STXBP2: variants seen among roughly 807,000 people sequenced by gnomAD.
The protein encoded by STXBP2 is syntaxin-binding protein 2.
In STXBP2, 47 loss-of-function variants were observed where a neutral mutation model predicts 72.2. That is an observed-to-expected ratio of 0.65 (90% CI 0.51 to 0.83). The LOEUF is 0.83. Ranked by LOEUF, STXBP2 falls within the 40% of genes least tolerant of loss-of-function variation. The pLI, the probability that STXBP2 is intolerant of heterozygous loss-of-function variation, is 0.00. For synonymous variants in STXBP2, 367 were observed against 338.7 expected, an observed-to-expected ratio of 1.08 and a Z score of -0.92; for missense variants, 702 against 807.6, an observed-to-expected ratio of 0.87 and a Z score of 1.58.
chr19:7,639,235 C>T (rs1391600650), intron 3 of STXBP2, 135 bp downstream of exon 3: 2 of 920,988 alleles, frequency 2.2e-6, no homozygotes, highest in African/African-American at 1.6e-5. Context: ...GCTCCCTGCA[C>T]GGACAGCCCG....
chr19:7,640,021 T>C (rs973801593), intron 4 of STXBP2: 1 of 675,646 alleles, frequency 1.5e-6, no homozygotes, highest in Non-Finnish European at 2.7e-6. Flanking sequence ...TCTGTGTGCA[T>C]GTGCATGTGT....
chr19:7,644,599 A>T lies in STXBP2; in HGVS notation c.1108-15A>T. The T allele has an allele frequency of 1.2e-6, 2 of 1,611,014 alleles. No individual in the cohort carries two copies. Among genetic ancestry groups the T allele is most frequent in the Non-Finnish European group, 1.7e-6 (2 of 1,179,708 alleles). On this transcript the variant is annotated splice_polypyrimidine_tract_variant and intron_variant, in intron 13 of 18. Coordinates refer to ENST00000221283, the MANE Select transcript of STXBP2 (RefSeq NM_006949.4). ...ACACATAGCGGCCGGTGGACGGCTG[A>T]CCCCATGCCCGCAGGACCTGGCCAT...
chr19:7,646,612 G>T (rs921816912), intron 16 of STXBP2: 7 of 540,460 alleles, frequency 1.3e-5, no homozygotes, highest in Non-Finnish European at 2.4e-5. Context: ...CCCCTGTCCC[G>T]CAGGAGTGCC....
chr19:7,639,949 CATGTGTGTGT>C (rs746614898), intron 4 of STXBP2, 142 bp downstream of exon 4: 31 of 709,828 alleles, frequency 4.4e-5, no homozygotes, highest in East Asian at 6.1e-5. Context: ...CATGTGTGTG[CATGTGTGTGT>C]GCATCTGTGT....
At chr19:7,639,902 G>A (rs1438449158) in intron 4 of STXBP2, 95 bp downstream of exon 4, 1 of 1,310,104 alleles carries the variant, frequency 7.6e-7, no homozygotes, top group Non-Finnish European at 1.1e-6. Context: ...ATGTGTGCAT[G>A]TGTATACGTG....
chr19:7,646,139 C>T (rs1399294500), intron 15 of STXBP2, 110 bp from the exon 16 acceptor site: 3 of 808,856 alleles, frequency 3.7e-6, no homozygotes, highest in African/African-American at 1.7e-5. Flanking sequence ...GTTCCACTTC[C>T]CCATCTTTGC....
At chr19:7,637,336 GA>G (rs1218133383) in intron 1 of STXBP2, 150 bp downstream of exon 1, 2 of 479,222 alleles carry the variant, frequency 4.2e-6, no homozygotes, top group African/African-American at 4.1e-5. Flanking sequence ...GGCGGGCGGG[GA>G]CGGGTTCCCA....
chr19:7,635,150 C>G (rs762155852), upstream of STXBP2, among the ~76,000 whole-genome samples: 18 of 152,298 alleles, frequency 1.2e-4, no homozygotes, highest in African/African-American at 4.1e-4. Context: ...CTCTGTCCCC[C>G]CAAGGGGTCA....
chr19:7,641,911 C>A, intron 7 of STXBP2, 58 bp downstream of exon 7: 1 of 1,564,000 alleles, frequency 6.4e-7, no homozygotes, highest in South Asian at 1.1e-5. Context: ...GCGTGCAACA[C>A]CTAACCTTTA....
the STXBP2 span, chr19:7,631,224 A>T: frequency 1.9e-5 from 26 of 1,391,828 alleles, no homozygotes; most frequent in Non-Finnish European, 2.4e-5. Context: ...GAAACATTTT[A>T]CTCTCAGCCA....
At chr19:7,635,120 G>T (rs560767083), upstream of STXBP2, among the ~76,000 whole-genome samples, 1 of 152,274 alleles carries the variant, frequency 6.6e-6, no homozygotes, top group Admixed American at 6.5e-5. Context: ...TTAGTGGTGG[G>T]GTGGCTGGCC....
At chr19:7,632,874 G>A (rs2031385769), upstream of STXBP2, 2 of 1,535,370 alleles carry the variant, frequency 1.3e-6, no homozygotes, top group African/African-American at 2.7e-5. The surrounding 1 kb of genome is among the most constrained non-coding windows in gnomAD (Gnocchi z 5.2). Flanking sequence ...TCAGCTTGGG[G>A]GCCCCTCCCC....
At chr19:7,637,012 G>C (rs1000662251), upstream of STXBP2, 1 of 1,008,020 alleles carries the variant, frequency 9.9e-7, no homozygotes, top group South Asian at 5.1e-5. Flanking sequence ...GCCTGGGCGA[G>C]AACCGACGGC....
the STXBP2 span, chr19:7,630,093 G>C: frequency 2.0e-6 from 1 of 512,514 alleles, no homozygotes; most frequent in Non-Finnish European, 3.4e-6. Flanking sequence ...TCCGAGGAAG[G>C]ACCTCAGAGA....
upstream of STXBP2, among the ~76,000 whole-genome samples, chr19:7,635,135 C>G (rs1258347795): frequency 1.3e-5 from 2 of 152,168 alleles, no homozygotes; most frequent in Non-Finnish European, 2.9e-5. Context: ...CTGGCCCTAA[C>G]AGCTCTCTGT....
At position 7,644,690 on chromosome 19, in the gene STXBP2, A is replaced by G. The variant is rs751931943; in HGVS notation, c.1184A>G (p.Asp395Gly). 2.3e-5 allele frequency: 37 copies of G among 1,613,602 alleles called. No individual in the cohort carries two copies. Among genetic ancestry groups the G allele is most frequent in the Non-Finnish European group, 2.7e-5 (32 of 1,179,848 alleles). ...SMKLIVPVLL[D>G]AAVPAYDKIR... Reference sequence around the variant, plus strand: ...AAGCTGATCGTTCCGGTGCTGCTGGACGCGGCGGTGCCCGCCTACGACAAG... The same window carrying G: ...AAGCTGATCGTTCCGGTGCTGCTGGGCGCGGCGGTGCCCGCCTACGACAAG... The change falls in exon 14 of 19, where the codon GAC (aspartate) becomes GGC (glycine). Residue 395 changes from aspartate (D) to glycine (G), a missense_variant. By Grantham distance (94) the Asp-to-Gly change is moderately conservative. Coordinates refer to ENST00000221283, the MANE Select transcript of STXBP2 (RefSeq NM_006949.4).
chr19:7,644,463 A>T, intron 13 of STXBP2, 151 bp from the exon 14 acceptor site: 1 of 1,026,946 alleles, frequency 9.7e-7, no homozygotes, highest in Non-Finnish European at 1.4e-6. Flanking sequence ...CTGTCCCTGG[A>T]CAGGGGTGGG....
chr19:7,643,084 G>A, intron 12 of STXBP2, 36 bp downstream of exon 12: 1 of 1,613,914 alleles, frequency 6.2e-7, no homozygotes, highest in Non-Finnish European at 8.5e-7. Context: ...GGACACCTCG[G>A]CCCCTCAACC....
At chr19:7,640,176 CT>C (rs2031765890) in intron 4 of STXBP2, 10 of 407,060 alleles carry the variant, frequency 2.5e-5, no homozygotes, top group Non-Finnish European at 3.9e-5. Flanking sequence ...GTGTGTGCGT[CT>C]GTCTGTGTGC....
Sources: gnomAD v4.1 joint callset for allele counts (sites outside exome capture counted in the v4.1 genomes callset) on GRCh38, gnomAD v4.1.1 for gene constraint, Gnocchi (gnomAD v3.1) non-coding constraint, MANE v1.5 for transcripts, NCBI Gene and HGNC (gene_info 2026-07-23, HGNC 2026-07-21) for gene names.